Variants in DOCK10 observed in about 807,000 individuals in gnomAD.
DOCK10 encodes dedicator of cytokinesis 10.
Under a neutral mutation model 280.1 loss-of-function variants are expected in DOCK10, and 145 were observed. The ratio of observed to expected loss-of-function variants is 0.52; its 90% CI spans 0.45 to 0.59. The LOEUF is 0.59. DOCK10 is among the 20% of genes least tolerant of loss of function. The probability of loss-of-function intolerance (pLI) is 0.00; values close to 1 mark genes in which losing one functional copy is unlikely to be tolerated. For synonymous variants in DOCK10, 915 were observed against 942.2 expected (o/e 0.97, Z 0.53); for missense variants, 2,368 against 2,651.7 (o/e 0.89, Z 2.35).
intron 7 of DOCK10, among the ~76,000 whole-genome samples, chr2:224,876,592 C>T (rs1027050165): frequency 6.6e-6 from 1 of 152,174 alleles, no homozygotes. Context: ...CTGACCCTAT[C>T]GCATCCCAGA....
chr2:224,938,500 G>A (rs896857198), intron 1 of DOCK10, among the ~76,000 whole-genome samples: 2 of 152,086 alleles, frequency 1.3e-5, no homozygotes, highest in East Asian at 1.9e-4. Flanking sequence ...TCACAGTGAC[G>A]ATTCATGGGG....
chr2:224,785,890 T>C (rs1691700382), intron 50 of DOCK10, among the ~76,000 whole-genome samples: 1 of 152,206 alleles, frequency 6.6e-6, no homozygotes, highest in Non-Finnish European at 1.5e-5. Flanking sequence ...CTCCTTCAGC[T>C]GCAACCTTAA....
intron 4 of DOCK10, among the ~76,000 whole-genome samples, chr2:224,893,916 T>C (rs1575011173): frequency 6.6e-6 from 1 of 152,308 alleles, no homozygotes; most frequent in Non-Finnish European, 1.5e-5. Context: ...CCTAAATACA[T>C]GTAGTCTTTA....
chr2:224,834,131 A>G lies in DOCK10; in HGVS notation c.2964+19T>C, dbSNP rs1273685168. 2 of 1,429,866 alleles carry G rather than the reference A, an allele frequency of 1.4e-6. No individual in the cohort carries two copies. Among genetic ancestry groups the G allele is most frequent in the South Asian group, 1.1e-5 (1 of 87,208 alleles). 88.6% of individuals were successfully genotyped at this position (1,429,866 alleles called of 1,614,324 possible). On this transcript the variant is annotated intron_variant, in intron 26 of 55. Transcript: ENST00000258390. ...CATGCCTAGTACTCACAGTTAAAGGACCATCTTTAAATTCTTACCTTTAGG... is the reference window on the plus strand; with the variant it reads ...CATGCCTAGTACTCACAGTTAAAGGGCCATCTTTAAATTCTTACCTTTAGG...
intron 39 of DOCK10, among the ~76,000 whole-genome samples, chr2:224,802,999 TAG>T (rs1223012961): frequency 1.3e-5 from 2 of 152,088 alleles, no homozygotes; most frequent in Non-Finnish European, 2.9e-5. Flanking sequence ...TTCCTGAAGC[TAG>T]AAGGAGTGCG....
intron 3 of DOCK10, among the ~76,000 whole-genome samples, chr2:224,911,766 C>T (rs1314046057): frequency 1.3e-5 from 2 of 151,952 alleles, no homozygotes; most frequent in Admixed American, 6.6e-5. Flanking sequence ...ATACAAATGC[C>T]GTATACACCC....
intron 41 of DOCK10, among the ~76,000 whole-genome samples, chr2:224,798,634 C>T (rs1296532404): frequency 1.4e-5 from 2 of 142,424 alleles, no homozygotes; most frequent in South Asian, 4.5e-4. Flanking sequence ...CTGGCTCAAT[C>T]TTTTTTTTTT....
At chr2:224,883,818 T>C (rs1050032592) in intron 7 of DOCK10, among the ~76,000 whole-genome samples, 1 of 152,188 alleles carries the variant, frequency 6.6e-6, no homozygotes, top group South Asian at 2.1e-4. Flanking sequence ...CTATGATTCT[T>C]TGAAGAAGAA....
Position 224,797,851 on chromosome 2 carries a change from A to G in DOCK10, c.4625T>C (p.Leu1542Ser). 1 of 1,613,666 alleles carries G rather than the reference A, an allele frequency of 6.2e-7. No homozygotes were observed. The highest frequency in any genetic ancestry group is 8.5e-7 in the Non-Finnish European group (1 of 1,179,650). The change falls in exon 42 of 56, where the codon TTG (leucine) becomes TCG (serine). Residue 1542 changes from leucine (L) to serine (S), a missense_variant. Coordinates refer to ENST00000258390, the MANE Select transcript of DOCK10 (RefSeq NM_014689.3). ...CCTTACCTTGCATACAAACAGTCTC[A>G]AGGAGGCAAACACATGCTTCAGCGC... is the stretch of plus-strand genomic sequence containing the variant. ...ATALKHVFAS[L>S]RLFVCKFPSA... is the part of the protein sequence containing the mutation.
In DOCK10 at chr2:224,872,839, C is replaced by T. The variant is rs1259979066; in HGVS notation, c.1257+1157G>A. 3.3e-5 allele frequency among the ~76,000 whole-genome samples: 5 copies of T among 151,720 alleles called. No individual in the cohort carries two copies. In the East Asian group the frequency reaches 5.8e-4, roughly 18 times the overall value. ...TGATGGATTAGAAATTTGAACAGAA[C>T]GCATTAAAAAAGAATGAAAGAAGAT... On this transcript the variant is annotated intron_variant, in intron 11 of 55. Coordinates refer to ENST00000258390, the MANE Select transcript of DOCK10 (RefSeq NM_014689.3).
At chr2:224,781,349 G>A (rs1691322386) in intron 50 of DOCK10, among the ~76,000 whole-genome samples, 3 of 152,168 alleles carry the variant, frequency 2.0e-5, no homozygotes, top group Non-Finnish European at 4.4e-5. Context: ...GAATAAGAAG[G>A]AGATGGAGGA....
chr2:224,997,521 C>T (rs1025765149), intron 1 of DOCK10, among the ~76,000 whole-genome samples: 12 of 152,168 alleles, frequency 7.9e-5, no homozygotes, highest in Admixed American at 2.6e-4. Flanking sequence ...CGAGAGCCAC[C>T]GCGCCCGGCT....
At chr2:224,939,806 G>T (rs1310103557) in intron 1 of DOCK10, among the ~76,000 whole-genome samples, 1 of 152,182 alleles carries the variant, frequency 6.6e-6, no homozygotes, top group East Asian at 1.9e-4. Flanking sequence ...AAATAGTTTT[G>T]TCAACAATAG....
intron 6 of DOCK10, 90 bp from the exon 7 acceptor site, chr2:224,885,895 G>C: frequency 1.3e-6 from 2 of 1,520,360 alleles, no homozygotes; most frequent in Non-Finnish European, 8.9e-7. Flanking sequence ...CTTCAGGAGT[G>C]CTATATTTCT....
At chr2:224,820,163 G>A (rs1404087973) in intron 28 of DOCK10, among the ~76,000 whole-genome samples, 1 of 152,158 alleles carries the variant, frequency 6.6e-6, no homozygotes, top group East Asian at 1.9e-4. Context: ...TGCATTTGAA[G>A]GCTGAAGGAA....
chr2:225,020,960 A>G (rs1270913027), intron 1 of DOCK10, among the ~76,000 whole-genome samples: 2 of 152,238 alleles, frequency 1.3e-5, no homozygotes, highest in Non-Finnish European at 2.9e-5. Flanking sequence ...GATATAACAA[A>G]TCAGCATTTG....
chr2:224,846,354 G>A (rs1369732915), intron 19 of DOCK10, among the ~76,000 whole-genome samples: 1 of 152,202 alleles, frequency 6.6e-6, no homozygotes, highest in Non-Finnish European at 1.5e-5. Context: ...CCAAAGTGCG[G>A]CTGGGGACCA....
chr2:225,022,440 A>C (rs1207295551), intron 1 of DOCK10, among the ~76,000 whole-genome samples: 2 of 148,966 alleles, frequency 1.3e-5, no homozygotes, highest in Non-Finnish European at 3.0e-5. Context: ...GGGCTCCACA[A>C]CTGGCTCCAA....
At chr2:225,000,257 T>G (rs1227203169) in intron 1 of DOCK10, among the ~76,000 whole-genome samples, 1 of 151,928 alleles carries the variant, frequency 6.6e-6, no homozygotes, top group Non-Finnish European at 1.5e-5. Flanking sequence ...CAATTACTGG[T>G]TTTACACATG....
Sources: allele counts gnomAD v4.1 joint callset (sites outside exome capture counted in the v4.1 genomes callset), GRCh38; gene constraint gnomAD v4.1.1; transcripts MANE v1.5; gene names NCBI Gene and HGNC (gene_info 2026-07-23, HGNC 2026-07-21).